Variants in R3HCC1 observed in about 807,000 individuals in gnomAD.
R3HCC1 encodes the protein R3H domain and coiled-coil containing 1, also known as R3H and coiled-coil domain-containing protein 1.
Under a neutral mutation model 40.0 loss-of-function variants are expected in R3HCC1, and 32 were observed. That is an observed-to-expected ratio of 0.80 (90% CI 0.60 to 1.07). The LOEUF (loss-of-function observed/expected upper bound fraction) is 1.07. Ranked by LOEUF, R3HCC1 falls within the 50% of genes least tolerant of loss-of-function variation. R3HCC1 has a pLI of 0.00. For synonymous variants in R3HCC1, 237 were observed against 232.8 expected (o/e 1.02, Z -0.17); for missense variants, 586 against 563.3 (o/e 1.04, Z -0.41).
chr8:23,296,213 G>A lies in R3HCC1; in HGVS notation c.*116G>A. On this transcript the variant is annotated 3_prime_UTR_variant, in exon 8 of 8. Coordinates refer to ENST00000265806, the MANE Select transcript of R3HCC1 (RefSeq NM_001136108.3). ...CACCACCCTCGAGCTTCACCATGGG[G>A]TGTGGTGGGCTTTAGTTTAGTCCCA... The A allele has an allele frequency of 7.2e-6, 9 of 1,243,722 alleles. No individual in the cohort carries two copies. Among genetic ancestry groups the A allele is most frequent in the South Asian group, 6.8e-5 (4 of 58,402 alleles). The allele number at this position is 1,243,722 out of a possible 1,614,324, so 77.0% of individuals were successfully genotyped here.
intron 4 of R3HCC1, 43 bp downstream of exon 4, chr8:23,290,512 G>C: frequency 6.6e-7 from 1 of 1,517,618 alleles, no homozygotes; most frequent in African/African-American, 1.4e-5. Flanking sequence ...CGGAGGTGAG[G>C]TGGGTGTGGC....
chr8:23,295,909 G>C, intron 7 of R3HCC1, 58 bp from the exon 8 acceptor site: 1 of 1,498,836 alleles, frequency 6.7e-7, no homozygotes, highest in Non-Finnish European at 8.9e-7. Flanking sequence ...CTGTGTTGCT[G>C]GGGGAGAGGC....
chr8:23,289,452 T>G lies in R3HCC1; in HGVS notation c.248+299T>G, dbSNP rs188880327. Among the ~76,000 whole-genome samples the G allele has an allele frequency of 4.6e-5, 7 of 152,336 alleles. No homozygotes were observed. The East Asian group carries it at 1.3e-3, about 29-fold the overall frequency. On this transcript the variant is annotated intron_variant, in intron 3 of 7. Coordinates refer to ENST00000265806, the MANE Select transcript of R3HCC1 (RefSeq NM_001136108.3). ...TCCCTAGCATTCCTCTCAGTGAGCT[T>G]GTGTCCCACAGAGACCAGAAAAGCA... is the stretch of plus-strand genomic sequence containing the variant.
Position 23,291,363 on chromosome 8 carries a change from C to G in R3HCC1, c.855C>G (p.Ile285Met). 6.4e-7 allele frequency: 1 copy of G among 1,551,644 alleles called. No individual in the cohort carries two copies. Among genetic ancestry groups the G allele is most frequent in the Non-Finnish European group, 8.7e-7 (1 of 1,146,850 alleles). Residue 285 changes from isoleucine (I) to methionine (M), a missense_variant and splice_region_variant, in exon 5 of 8, where the codon ATC (isoleucine) becomes ATG (methionine). Coordinates refer to ENST00000265806, the MANE Select transcript of R3HCC1 (RefSeq NM_001136108.3). The stretch of plus-strand genomic sequence containing the variant: ...GCTAAGGGTCCGATCTCTCCTAGAT[C>G]ACAGACAACCTGACGAAGAAGGAGA...
At position 23,294,897 on chromosome 8, in the gene R3HCC1, C is replaced by CTG. The variant is rs137952235; in HGVS notation, c.1192+48_1192+49dup. ...AAGCGCATGTCCCTGAATAGGGAGG[C>CTG]TGTGTGTGTGTGTGTGCGTGCGAGC... On this transcript the variant is annotated intron_variant, in intron 7 of 7. Coordinates refer to ENST00000265806, the MANE Select transcript of R3HCC1 (RefSeq NM_001136108.3). 3,709 of 1,363,248 alleles carry CTG rather than the reference C, an allele frequency of 2.7e-3. 14 individuals are homozygous for CTG. The highest frequency in any genetic ancestry group is 0.026 in the African/African-American group (1,803 of 68,262). The allele number at this position is 1,363,248 out of a possible 1,614,324, so 84.4% of individuals were successfully genotyped here.
intron 6 of R3HCC1, among the ~76,000 whole-genome samples, chr8:23,294,172 G>A (rs1473832120): frequency 2.0e-5 from 3 of 152,146 alleles, no homozygotes; most frequent in Non-Finnish European, 1.5e-5. Flanking sequence ...TGGAAAGGAA[G>A]GCAGGGAGGG....
At chr8:23,294,945 G>T in intron 7 of R3HCC1, 81 bp downstream of exon 7, 1 of 1,066,702 alleles carries the variant, frequency 9.4e-7, no homozygotes, top group Non-Finnish European at 1.4e-6. Flanking sequence ...GCGTGTGTGT[G>T]TGTCTGGTTT....
At chr8:23,293,952 CA>C (rs1308783980) in intron 6 of R3HCC1, among the ~76,000 whole-genome samples, 1 of 152,164 alleles carries the variant, frequency 6.6e-6, no homozygotes, top group Non-Finnish European at 1.5e-5. Context: ...ATTGCCCTGC[CA>C]CACCACCGTG....
intron 6 of R3HCC1, among the ~76,000 whole-genome samples, chr8:23,293,641 G>A (rs1255770789): frequency 1.3e-5 from 2 of 152,176 alleles, no homozygotes; most frequent in African/African-American, 4.8e-5. Flanking sequence ...GAGGAAGGTC[G>A]TGAGCCAAGC....
Position 23,296,179 on chromosome 8 carries a change from G to C in R3HCC1, c.*82G>C, listed in dbSNP as rs987962973. On this transcript the variant is annotated 3_prime_UTR_variant, in exon 8 of 8. Transcript: ENST00000265806. ...ACCATAAGCCTTCACAGACGCCAGA[G>C]CAGCCCCGCACCACCCTCGAGCTTC... The C allele has an allele frequency of 6.9e-7, 1 of 1,456,436 alleles. No homozygotes were observed. The allele number at this position is 1,456,436 out of a possible 1,614,324, so 90.2% of individuals were successfully genotyped here. A position where few individuals can be genotyped will look rare whatever the true frequency, so the allele number is the denominator to read the frequency against.
chr8:23,295,070 G>C (rs969662760), intron 7 of R3HCC1, among the ~76,000 whole-genome samples: 1 of 152,118 alleles, frequency 6.6e-6, no homozygotes, highest in Non-Finnish European at 1.5e-5. Flanking sequence ...GCCTAGGGGG[G>C]GTCTGGGGCA....
Position 23,291,295 on chromosome 8 carries a change from G to A in R3HCC1, c.853-66G>A, listed in dbSNP as rs561357128. The A allele has an allele frequency of 4.6e-4, 690 of 1,508,418 alleles. 9 individuals carry two copies. In the South Asian group the frequency reaches 8.0e-3, roughly 18 times the overall value. 93.4% of individuals were successfully genotyped at this position (1,508,418 alleles called of 1,614,324 possible). A position where few individuals can be genotyped will look rare whatever the true frequency, so the allele number is the denominator to read the frequency against. On this transcript the variant is annotated intron_variant, in intron 4 of 7. Transcript: ENST00000265806. The stretch of plus-strand genomic sequence containing the variant: ...CTTCTCCCTGCAGAGCTCTCAGCGC[G>A]TGGGCTAGTGGTTTGGGAGCTCTGC...
chr8:23,291,952 C>T (rs1026637750), intron 5 of R3HCC1, among the ~76,000 whole-genome samples: 1 of 152,230 alleles, frequency 6.6e-6, no homozygotes, highest in Non-Finnish European at 1.5e-5. Context: ...CCTGCTGGGG[C>T]AGAGTGGAGG....
intron 3 of R3HCC1, 120 bp from the exon 4 acceptor site, chr8:23,289,746 G>T: frequency 7.4e-7 from 1 of 1,345,220 alleles, no homozygotes; most frequent in Non-Finnish European, 9.8e-7. Context: ...GGGTCATTTT[G>T]GCTGTGGTTT....
rs759055653 is a variant in R3HCC1, at chr8:23,296,084, C to T, written c.1310C>T (p.Pro437Leu). 5.0e-5 allele frequency: 78 copies of T among 1,549,884 alleles called. 1 individual carries two copies. In the Middle Eastern group the frequency reaches 5.1e-4, roughly 10 times the overall value. Reference sequence around the variant, plus strand: ...AAAGAGCGGCCTGCTGTCCGGGGTCCGCTGCCGCCCTGAGGCCTGGAGACC... The same window carrying T: ...AAAGAGCGGCCTGCTGTCCGGGGTCTGCTGCCGCCCTGAGGCCTGGAGACC... Residue 437 changes from proline (P) to leucine (L), a missense_variant, in exon 8 of 8, where the codon CCG becomes CTG. Transcript: ENST00000265806.
chr8:23,292,507 GGGA>G (rs1802890219), intron 5 of R3HCC1, among the ~76,000 whole-genome samples: 1 of 152,154 alleles, frequency 6.6e-6, no homozygotes, highest in African/African-American at 2.4e-5. Flanking sequence ...CCAGCTACTC[GGGA>G]GGCTGAGGCA....
At chr8:23,293,659 A>T (rs1802922056) in intron 6 of R3HCC1, among the ~76,000 whole-genome samples, 1 of 152,204 alleles carries the variant, frequency 6.6e-6, no homozygotes, top group South Asian at 2.1e-4. Context: ...AGCCCAACGG[A>T]TGTCCCTGTG....
intron 6 of R3HCC1, among the ~76,000 whole-genome samples, chr8:23,293,749 C>G (rs535914220): frequency 4.6e-5 from 7 of 152,198 alleles, no homozygotes; most frequent in Non-Finnish European, 5.9e-5. Context: ...TTCAAGTAGA[C>G]ACATTCTTAC....
At chr8:23,292,451 A>G (rs747963043) in intron 5 of R3HCC1, among the ~76,000 whole-genome samples, 2 of 152,150 alleles carry the variant, frequency 1.3e-5, no homozygotes, top group Non-Finnish European at 2.9e-5. Flanking sequence ...TACTAAAAAT[A>G]CAAAAAAATA....
Sources: allele counts gnomAD v4.1 joint callset (sites outside exome capture counted in the v4.1 genomes callset), GRCh38; gene constraint gnomAD v4.1.1; transcripts MANE v1.5; gene names NCBI Gene and HGNC (gene_info 2026-07-23, HGNC 2026-07-21).